FZD7: variants seen among roughly 807,000 people sequenced by gnomAD.
FZD7 encodes frizzled class receptor 7.
In FZD7, 21 loss-of-function variants were observed where a neutral mutation model predicts 39.0. That is an observed-to-expected ratio of 0.54 (90% CI 0.38 to 0.78). The LOEUF is 0.78. Ranked by LOEUF, FZD7 falls within the 30% of genes least tolerant of loss-of-function variation. The pLI is 0.00. For synonymous variants in FZD7, 428 were observed against 364.9 expected (o/e 1.17, Z -1.97); for missense variants, 695 against 805.0 (o/e 0.86, Z 1.65).
Position 202,038,179 on chromosome 2 carries a change from A to G in FZD7, c.*1807A>G, listed in dbSNP as rs1418471044. The G allele has an allele frequency of 1.2e-5, 2 of 167,104 alleles. No individual in the cohort carries two copies. The highest frequency in any genetic ancestry group is 2.9e-5 in the Non-Finnish European group (2 of 68,128). 10.4% of individuals were successfully genotyped at this position (167,104 alleles called of 1,614,324 possible). A position where few individuals can be genotyped will look rare whatever the true frequency, so the allele number is the denominator to read the frequency against. ...TTAAAATCGATCTTGTGTTTCTTCA[A>G]CCTTCAAAACTATCTCATCTGTCAG... On this transcript the variant is annotated 3_prime_UTR_variant, in exon 1 of 1. Coordinates refer to ENST00000286201, the MANE Select transcript of FZD7 (RefSeq NM_003507.2).
At position 202,034,890 on chromosome 2, in the gene FZD7, C is replaced by A. The variant is rs1334128195; in HGVS notation, c.243C>A (p.Leu81=). 6.2e-7 allele frequency: 1 copy of A among 1,614,216 alleles called. No homozygotes were observed. Among genetic ancestry groups the A allele is most frequent in the Admixed American group, 1.7e-5 (1 of 60,034 alleles). ...ACACGAACCAAGAGGACGCGGGCCT[C>A]GAGGTGCACCAGTTCTACCCGCTGG... ...LGHTNQEDAG[L]EVHQFYPLVK... is the part of the protein sequence containing the mutation. The change falls in exon 1 of 1, where the codon CTC becomes CTA. Residue 81 remains leucine (L), a synonymous_variant. Transcript: ENST00000286201.
Position 202,036,681 on chromosome 2 carries a change from A to G in FZD7, c.*309A>G, listed in dbSNP as rs1688750791. 9 of 368,356 alleles carry G rather than the reference A, an allele frequency of 2.4e-5. No individual in the cohort carries two copies. The South Asian group carries it at 3.0e-4, about 12-fold the overall frequency. The allele number at this position is 368,356 out of a possible 1,614,324, so 22.8% of individuals were successfully genotyped here. On this transcript the variant is annotated 3_prime_UTR_variant, in exon 1 of 1. Transcript: ENST00000286201. ...TAATAGAAGGTTGAGACCAGCAGAG[A>G]CTGCTGTGAGTTTCTCCCGGCTCCG...
In FZD7 at chr2:202,036,023, C is replaced by G; in HGVS notation, c.1376C>G (p.Thr459Ser). Residue 459 changes from threonine to serine, a missense_variant, in exon 1 of 1, where the codon ACC (threonine) becomes AGC (serine). Thr to Ser is a moderately conservative substitution (Grantham distance 58, BLOSUM62 1). Transcript: ENST00000286201. ...CGCACCATCATGAAACACGACGGCA[C>G]CAAGACCGAGAAGCTGGAGAAGCTC... ...RIRTIMKHDGTKTEKLEKLMV... is the reference protein window; with the variant it reads ...RIRTIMKHDGSKTEKLEKLMV... 1 of 1,614,184 alleles carries G rather than the reference C, an allele frequency of 6.2e-7. No homozygotes were observed. The highest frequency in any genetic ancestry group is 8.5e-7 in the Non-Finnish European group (1 of 1,180,038).
rs1434827221 is a variant in FZD7 at position 202,036,733 on chromosome 2, C to G, written c.*361C>G. The G allele has an allele frequency of 6.9e-6, 2 of 288,762 alleles. No individual in the cohort carries two copies. The highest frequency in any genetic ancestry group is 2.2e-5 in the African/African-American group (1 of 45,442). The allele number at this position is 288,762 out of a possible 1,614,324, so 17.9% of individuals were successfully genotyped here. ...GGCTGAACGGGGACTGTGAGCGATC[C>G]CCCTGCTGCAGGGCGAGTGGCCTGT... On this transcript the variant is annotated 3_prime_UTR_variant, in exon 1 of 1. Transcript: ENST00000286201.
rs1250354189 is a variant in FZD7 at position 202,034,684 on chromosome 2, C to T, written c.37C>T (p.Leu13=). The change falls in exon 1 of 1, where the codon CTG becomes TTG. Residue 13 remains leucine, a synonymous_variant. Coordinates refer to ENST00000286201, the MANE Select transcript of FZD7 (RefSeq NM_003507.2). ...DPGAAAPLSS[L]GLCALVLALL... is the part of the protein sequence containing the mutation. The stretch of plus-strand genomic sequence containing the variant: ...CGGCGCGGCCGCTCCGCTTTCGTCC[C>T]TGGGCCTCTGTGCCCTGGTGCTGGC... The T allele has an allele frequency of 1.9e-5, 31 of 1,606,076 alleles. No individual in the cohort carries two copies. Among genetic ancestry groups the T allele is most frequent in the Non-Finnish European group, 2.3e-5 (27 of 1,178,514 alleles).
rs766212417 is a variant in FZD7, at chr2:202,035,322, G to C, written c.675G>C (p.Leu225=). The C allele has an allele frequency of 1.9e-6, 3 of 1,611,482 alleles. No individual in the cohort carries two copies. The highest frequency in any genetic ancestry group is 1.1e-5 in the South Asian group (1 of 91,018). ...KVPPYLGYRF[L]GERDCGAPCE... is the part of the protein sequence containing the mutation. The stretch of plus-strand genomic sequence containing the variant: ...CCCCGTACCTGGGCTACCGCTTCCT[G>C]GGTGAGCGCGATTGTGGCGCCCCGT... Residue 225 remains leucine, a synonymous_variant, in exon 1 of 1, where the codon CTG becomes CTC. Transcript: ENST00000286201.
rs1179388114 is a variant in FZD7, at chr2:202,038,168, G to A, written c.*1796G>A. The A allele has an allele frequency of 6.0e-6, 1 of 167,002 alleles. No homozygotes were observed. The highest frequency in any genetic ancestry group is 6.5e-5 in the Admixed American group (1 of 15,294). 10.3% of individuals were successfully genotyped at this position (167,002 alleles called of 1,614,324 possible). On this transcript the variant is annotated 3_prime_UTR_variant, in exon 1 of 1. Transcript: ENST00000286201. ...TTACATTAAAGTTAAAATCGATCTT[G>A]TGTTTCTTCAACCTTCAAAACTATC...
At position 202,035,208 on chromosome 2, in the gene FZD7, C is replaced by G. The variant is rs778267383; in HGVS notation, c.561C>G (p.Asp187Glu). Residue 187 changes from aspartate (D) to glutamate (E), a missense_variant, in exon 1 of 1, where the codon GAC becomes GAG. By Grantham distance (45) the Asp-to-Glu change is conservative. Transcript: ENST00000286201. ...ACCCTACCGCGCCCTACCTGCCGGA[C>G]CTGCCCTTCACCGCGCTGCCCCCGG... is the stretch of plus-strand genomic sequence containing the variant. Reference protein sequence around the residue: ...TAYPTAPYLPDLPFTALPPGA... With the variant: ...TAYPTAPYLPELPFTALPPGA... 1 of 1,600,186 alleles carries G rather than the reference C, an allele frequency of 6.2e-7. No individual in the cohort carries two copies. The highest frequency in any genetic ancestry group is 8.5e-7 in the Non-Finnish European group (1 of 1,179,262).
chr2:202,036,248 A>G lies in FZD7; in HGVS notation c.1601A>G (p.Tyr534Cys). 6.2e-7 allele frequency: 1 copy of G among 1,613,004 alleles called. No homozygotes were observed. Among genetic ancestry groups the G allele is most frequent in the Non-Finnish European group, 8.5e-7 (1 of 1,179,732 alleles). Residue 534 changes from tyrosine (Y) to cysteine (C), a missense_variant, in exon 1 of 1, where the codon TAC (tyrosine) becomes TGC (cysteine). Physicochemically the swap from Tyr to Cys is radical, Grantham distance 194 (BLOSUM62 -2). Transcript: ENST00000286201. ...GACTTCACCGTCTTCATGATCAAGTACCTGATGACCATGATCGTCGGCATC... is the reference window on the plus strand; with the variant it reads ...GACTTCACCGTCTTCATGATCAAGTGCCTGATGACCATGATCGTCGGCATC... ...SPDFTVFMIK[Y>C]LMTMIVGITT...
Position 202,035,400 on chromosome 2 carries a change from C to A in FZD7, c.753C>A (p.Arg251=), listed in dbSNP as rs777668237. 3 of 1,613,528 alleles carry A rather than the reference C, an allele frequency of 1.9e-6. No homozygotes were observed. The highest frequency in any genetic ancestry group is 2.5e-6 in the Non-Finnish European group (3 of 1,179,948). ...TGTACTTTAAGGAGGAGGAGAGGCG[C>A]TTCGCCCGCCTCTGGGTGGGCGTGT... ...GLMYFKEEER[R]FARLWVGVWS... Residue 251 remains arginine, a synonymous_variant, in exon 1 of 1, where the codon CGC becomes CGA. Coordinates refer to ENST00000286201, the MANE Select transcript of FZD7 (RefSeq NM_003507.2).
chr2:202,034,798 C>G lies in FZD7; in HGVS notation c.151C>G (p.Pro51Ala), dbSNP rs753811424. 4 of 1,613,358 alleles carry G rather than the reference C, an allele frequency of 2.5e-6. No homozygotes were observed. The South Asian group carries it at 4.4e-5, about 18-fold the overall frequency. The change falls in exon 1 of 1, where the codon CCC becomes GCC. Residue 51 changes from proline (P) to alanine (A), a missense_variant. Transcript: ENST00000286201. ...CGTGCCGGACCACGGCTTCTGCCAG[C>G]CCATCTCCATCCCGCTGTGCACGGA... ...ISVPDHGFCQ[P>A]ISIPLCTDIA...
chr2:202,034,038 G>T lies in FZD7; in HGVS notation c.-610G>T, dbSNP rs552644977. On this transcript the variant is annotated 5_prime_UTR_variant, in exon 1 of 1. Coordinates refer to ENST00000286201, the MANE Select transcript of FZD7 (RefSeq NM_003507.2). Reference sequence around the variant, plus strand: ...AACTCGCCGTGCTCCCGACTCCGGGGCCGAGATCGGACTCAGCAAGAGCCG... The same window carrying T: ...AACTCGCCGTGCTCCCGACTCCGGGTCCGAGATCGGACTCAGCAAGAGCCG... Among the ~76,000 whole-genome samples, 44 of 152,082 alleles carry T rather than the reference G, an allele frequency of 2.9e-4. No individual in the cohort carries two copies. Among genetic ancestry groups the T allele is most frequent in the Non-Finnish European group, 4.4e-5 (3 of 67,966 alleles).
In FZD7 at chr2:202,037,560, A is replaced by G. The variant is rs1688766458; in HGVS notation, c.*1188A>G. ...CTCCCTTCATTTACTTTTTCTTGCT[A>G]TAAGCCTATATTTAGGTTTCTTTTC... On this transcript the variant is annotated 3_prime_UTR_variant, in exon 1 of 1. Transcript: ENST00000286201. 1 of 167,076 alleles carries G rather than the reference A, an allele frequency of 6.0e-6. No homozygotes were observed. The highest frequency in any genetic ancestry group is 1.5e-5 in the Non-Finnish European group (1 of 68,122). 10.3% of individuals were successfully genotyped at this position (167,076 alleles called of 1,614,324 possible).
At position 202,036,277 on chromosome 2, in the gene FZD7, A is replaced by ACTGGCTTC; in HGVS notation, c.1631_1638dup (p.Trp547LeufsTer70). The ACTGGCTTC allele has an allele frequency of 6.2e-7, 1 of 1,613,302 alleles. No individual in the cohort carries two copies. The highest frequency in any genetic ancestry group is 8.5e-7 in the Non-Finnish European group (1 of 1,179,964). The stretch of plus-strand genomic sequence containing the variant: ...GATGACCATGATCGTCGGCATCACC[A>ACTGGCTTC]CTGGCTTCTGGATCTGGTCGGGCAA... On this transcript the variant is annotated frameshift_variant, in exon 1 of 1. Coordinates refer to ENST00000286201, the MANE Select transcript of FZD7 (RefSeq NM_003507.2). LOFTEE classifies it high-confidence loss of function.
chr2:202,035,809 G>C lies in FZD7; in HGVS notation c.1162G>C (p.Val388Leu). The C allele has an allele frequency of 6.2e-7, 1 of 1,614,056 alleles. No individual in the cohort carries two copies. The highest frequency in any genetic ancestry group is 8.5e-7 in the Non-Finnish European group (1 of 1,179,996). Residue 388 changes from valine (V) to leucine (L), a missense_variant, in exon 1 of 1, where the codon GTG (valine) becomes CTG (leucine). Coordinates refer to ENST00000286201, the MANE Select transcript of FZD7 (RefSeq NM_003507.2). ...SQYFHLAAWA[V>L]PAVKTITILA... is the part of the protein sequence containing the mutation. ...GTACTTCCACCTGGCCGCGTGGGCC[G>C]TGCCCGCCGTCAAGACCATCACTAT...
At position 202,034,563 on chromosome 2, in the gene FZD7, G is replaced by T. The variant is rs1476125491; in HGVS notation, c.-85G>T. On this transcript the variant is annotated 5_prime_UTR_variant, in exon 1 of 1. Coordinates refer to ENST00000286201, the MANE Select transcript of FZD7 (RefSeq NM_003507.2). ...GTGAGGACTCTCATGCGTCGGGCGC[G>T]GCGGCGCCTCCCCGCATCCAAGCCT... 8.3e-7 allele frequency: 1 copy of T among 1,203,450 alleles called. No individual in the cohort carries two copies. Among genetic ancestry groups the T allele is most frequent in the East Asian group, 2.7e-5 (1 of 37,456 alleles). 74.5% of individuals were successfully genotyped at this position (1,203,450 alleles called of 1,614,324 possible). A position where few individuals can be genotyped will look rare whatever the true frequency, so the allele number is the denominator to read the frequency against.
Position 202,037,751 on chromosome 2 carries a change from CTG to C in FZD7, c.*1384_*1385del, listed in dbSNP as rs1405442874. ...CATCATCCATATGCTGACCCTGTCT[CTG>C]TGTGGTTGGGTTGGGAGGCGATCAG... is the stretch of plus-strand genomic sequence containing the variant. On this transcript the variant is annotated 3_prime_UTR_variant, in exon 1 of 1. Coordinates refer to ENST00000286201, the MANE Select transcript of FZD7 (RefSeq NM_003507.2). 1.2e-5 allele frequency: 2 copies of C among 166,882 alleles called. No individual in the cohort carries two copies. Among genetic ancestry groups the C allele is most frequent in the African/African-American group, 4.8e-5 (2 of 41,380 alleles). 10.3% of individuals were successfully genotyped at this position (166,882 alleles called of 1,614,324 possible). A position where few individuals can be genotyped will look rare whatever the true frequency, so the allele number is the denominator to read the frequency against.
At position 202,034,520 on chromosome 2, in the gene FZD7, C is replaced by T; in HGVS notation, c.-128C>T. On this transcript the variant is annotated 5_prime_UTR_variant, in exon 1 of 1. The change creates a new upstream start codon in the 5' untranslated region. Transcript: ENST00000286201. ...AGCGCCCTTTGCTCCACGCCGCCCACGGCCCGGCCCCGGCGCCGTGAGGAC... is the reference window on the plus strand; with the variant it reads ...AGCGCCCTTTGCTCCACGCCGCCCATGGCCCGGCCCCGGCGCCGTGAGGAC... The T allele has an allele frequency of 4.0e-6, 3 of 753,116 alleles. No homozygotes were observed. Among genetic ancestry groups the T allele is most frequent in the Non-Finnish European group, 5.8e-6 (3 of 520,468 alleles). 46.7% of individuals were successfully genotyped at this position (753,116 alleles called of 1,614,324 possible).
Position 202,036,209 on chromosome 2 carries a change from C to G in FZD7, c.1562C>G (p.Pro521Arg), listed in dbSNP as rs891140187. Residue 521 changes from proline to arginine, a missense_variant, in exon 1 of 1, where the codon CCG becomes CGG. Pro to Arg is a moderately radical substitution (Grantham distance 103). Coordinates refer to ENST00000286201, the MANE Select transcript of FZD7 (RefSeq NM_003507.2). ...YAVPCPPGHF[P>R]PMSPDFTVFM... ...GTGCCCTGCCCGCCCGGCCACTTCC[C>G]GCCCATGAGCCCCGACTTCACCGTC... 9 of 1,613,544 alleles carry G rather than the reference C, an allele frequency of 5.6e-6. No homozygotes were observed. The highest frequency in any genetic ancestry group is 7.6e-6 in the Non-Finnish European group (9 of 1,180,030).
Sources: gnomAD v4.1 joint callset for allele counts (sites outside exome capture counted in the v4.1 genomes callset) on GRCh38, gnomAD v4.1.1 for gene constraint, MANE v1.5 for transcripts, NCBI Gene and HGNC (gene_info 2026-07-23, HGNC 2026-07-21) for gene names.